RAB11FIP3: variants seen among roughly 807,000 people sequenced by gnomAD.
RAB11FIP3 encodes rab11 family-interacting protein 3.
In RAB11FIP3, 17 loss-of-function variants were observed where a neutral mutation model predicts 77.8. That is an observed-to-expected ratio of 0.22 (90% CI 0.15 to 0.33). RAB11FIP3 has a LOEUF of 0.33. Ranked by LOEUF, RAB11FIP3 falls within the 10% of genes least tolerant of loss-of-function variation. The pLI, the probability that RAB11FIP3 is intolerant of heterozygous loss-of-function variation, is 1.00. For synonymous variants in RAB11FIP3, 437 were observed against 448.2 expected (o/e 0.98, Z 0.31); for missense variants, 1,005 against 1,011.2 (o/e 0.99, Z 0.08).
In RAB11FIP3 at chr16:505,445, C is replaced by G; in HGVS notation, c.1396-79C>G. ...CTGTGCTGAGAAAATCCCCAGGCGG[C>G]CTCCCAGGTTGTTCCCTTGGGGGTG... On this transcript the variant is annotated intron_variant, in intron 7 of 13. Transcript: ENST00000262305. This position sits in a 1 kb window ranked among gnomAD's most constrained non-coding sequence, Gnocchi z 4.0. 1 of 1,119,626 alleles carries G rather than the reference C, an allele frequency of 8.9e-7. No homozygotes were observed. Among genetic ancestry groups the G allele is most frequent in the East Asian group, 2.6e-5 (1 of 38,860 alleles). The allele number at this position is 1,119,626 out of a possible 1,614,324, so 69.4% of individuals were successfully genotyped here.
At chr16:453,205 G>T (rs1290171366) in intron 1 of RAB11FIP3, among the ~76,000 whole-genome samples, 1 of 151,510 alleles carries the variant, frequency 6.6e-6, no homozygotes, top group Non-Finnish European at 1.5e-5. Context: ...CTTCTGAGTC[G>T]CTGGGACTAC....
chr16:471,492 G>T lies in RAB11FIP3; in HGVS notation c.903+103G>T. 1 of 1,060,272 alleles carries T rather than the reference G, an allele frequency of 9.4e-7. No homozygotes were observed. 65.7% of individuals were successfully genotyped at this position (1,060,272 alleles called of 1,614,324 possible). A position where few individuals can be genotyped will look rare whatever the true frequency, so the allele number is the denominator to read the frequency against. ...TGCCTCCGGGCTGTCTTCCGTAGAAGCTGGCGTGAAGGAAGGGCCTCCCGC... is the reference window on the plus strand; with the variant it reads ...TGCCTCCGGGCTGTCTTCCGTAGAATCTGGCGTGAAGGAAGGGCCTCCCGC... On this transcript the variant is annotated intron_variant, in intron 3 of 13. Coordinates refer to ENST00000262305, the MANE Select transcript of RAB11FIP3 (RefSeq NM_014700.4). The surrounding 1 kb of genome is among the most constrained non-coding windows in gnomAD (Gnocchi z 4.4).
At chr16:496,312 A>AT (rs2031123386) in intron 5 of RAB11FIP3, among the ~76,000 whole-genome samples, 1 of 152,202 alleles carries the variant, frequency 6.6e-6, no homozygotes, top group Non-Finnish European at 1.5e-5. Flanking sequence ...GCTGATGTAT[A>AT]ATTGGCTATA....
intron 1 of RAB11FIP3, among the ~76,000 whole-genome samples, chr16:456,827 C>T (rs1230423682): frequency 6.6e-6 from 1 of 152,160 alleles, no homozygotes; most frequent in East Asian, 1.9e-4. Flanking sequence ...TTGGGAACAG[C>T]AGGGAAAGCC....
At chr16:451,893 T>C (rs908775641) in intron 1 of RAB11FIP3, among the ~76,000 whole-genome samples, 2 of 151,992 alleles carry the variant, frequency 1.3e-5, no homozygotes, top group East Asian at 1.9e-4. Flanking sequence ...CTCATGCCTG[T>C]AATCCCAGCA....
intron 1 of RAB11FIP3, among the ~76,000 whole-genome samples, chr16:434,530 G>T (rs1451600785): frequency 6.6e-6 from 1 of 152,114 alleles, no homozygotes; most frequent in African/African-American, 2.4e-5. Context: ...AGGCTCAGGT[G>T]GTCCTCCCAT....
chr16:460,241 T>C (rs975472985), intron 1 of RAB11FIP3, among the ~76,000 whole-genome samples: 3 of 152,194 alleles, frequency 2.0e-5, no homozygotes, highest in Non-Finnish European at 4.4e-5. Flanking sequence ...TTAACAGATA[T>C]ATGATTTGCA....
chr16:441,992 C>T (rs1367081501), intron 1 of RAB11FIP3, among the ~76,000 whole-genome samples: 2 of 152,230 alleles, frequency 1.3e-5, no homozygotes, highest in South Asian at 2.1e-4. Flanking sequence ...GCACCCGCCA[C>T]CACGCCTGGC....
intron 3 of RAB11FIP3, 128 bp from the exon 4 acceptor site, chr16:482,397 T>G (rs1296220964): frequency 1.2e-6 from 1 of 856,342 alleles, no homozygotes; most frequent in Non-Finnish European, 2.0e-6. Context: ...TAGAGACAGT[T>G]GGGACTTCAG....
chr16:450,899 C>T (rs955833356), intron 1 of RAB11FIP3, among the ~76,000 whole-genome samples: 1 of 147,450 alleles, frequency 6.8e-6, no homozygotes, highest in Non-Finnish European at 1.5e-5. Flanking sequence ...GGGCACACAC[C>T]TGCTTCTCCA....
At chr16:495,601 C>T (rs375432209) in intron 5 of RAB11FIP3, among the ~76,000 whole-genome samples, 3 of 152,142 alleles carry the variant, frequency 2.0e-5, no homozygotes, top group African/African-American at 4.8e-5. Context: ...GTTCACTCCT[C>T]GGCTCCCTCT....
At chr16:511,058 G>A (rs1311483355) in intron 9 of RAB11FIP3, among the ~76,000 whole-genome samples, 2 of 129,410 alleles carry the variant, frequency 1.5e-5, no homozygotes, top group Non-Finnish European at 3.2e-5. Flanking sequence ...GAAGTTCCCC[G>A]ACGGCCCGCC....
intron 4 of RAB11FIP3, among the ~76,000 whole-genome samples, chr16:483,671 T>A (rs1220995974): frequency 1.3e-5 from 2 of 152,084 alleles, no homozygotes; most frequent in Non-Finnish European, 2.9e-5. Flanking sequence ...CCTTCCCAGG[T>A]CTTTTCCCTG....
At chr16:447,871 A>G (rs1006588225) in intron 1 of RAB11FIP3, among the ~76,000 whole-genome samples, 10 of 152,216 alleles carry the variant, frequency 6.6e-5, no homozygotes, top group Admixed American at 2.6e-4. Context: ...GGTGAGAACA[A>G]AGGGTTACAT....
rs2055334365 is a variant in RAB11FIP3, at chr16:447,355, C to CA, written c.715-14048dup. Among the ~76,000 whole-genome samples the CA allele has an allele frequency of 5.3e-5, 8 of 152,068 alleles. No homozygotes were observed. In the South Asian group the frequency reaches 1.7e-3, roughly 32 times the overall value. ...AGAGAGAGATGGCGTCTCGCTCTGT[C>CA]ACTCAGGCTGGAGTTCAGTGGCACA... On this transcript the variant is annotated intron_variant, in intron 1 of 13. Coordinates refer to ENST00000262305, the MANE Select transcript of RAB11FIP3 (RefSeq NM_014700.4).
At position 461,475 on chromosome 16, in the gene RAB11FIP3, G is replaced by T. The variant is rs751375208; in HGVS notation, c.786G>T (p.Gly262=). The T allele has an allele frequency of 6.2e-7, 1 of 1,613,728 alleles. No homozygotes were observed. Among genetic ancestry groups the T allele is most frequent in the Non-Finnish European group, 8.5e-7 (1 of 1,179,934 alleles). Reference sequence around the variant, plus strand: ...TCAGCTTTGAAGACTTCTACCAAGGGATCACAGCCATCAGAAACGGAGGTC... The same window carrying T: ...TCAGCTTTGAAGACTTCTACCAAGGTATCACAGCCATCAGAAACGGAGGTC... ...GVISFEDFYQ[G]ITAIRNGDPD... is the part of the protein sequence containing the mutation. The change falls in exon 2 of 14, where the codon GGG becomes GGT. Residue 262 remains glycine (G), a synonymous_variant. Transcript: ENST00000262305. The surrounding 1 kb of genome is among the most constrained non-coding windows in gnomAD (Gnocchi z 4.5).
At chr16:480,098 C>A (rs1355430798) in intron 3 of RAB11FIP3, among the ~76,000 whole-genome samples, 1 of 151,886 alleles carries the variant, frequency 6.6e-6, no homozygotes, top group Non-Finnish European at 1.5e-5. Context: ...ACTGGCCTGG[C>A]CAACGTGGTG....
In RAB11FIP3 at chr16:514,601, A is replaced by G. The variant is rs1281382875; in HGVS notation, c.1640+3801A>G. ...CTTGTTTAGGGACCGGGAAAGGAGA[A>G]TATGTGTCATCAGCAGAATGGGGCT... On this transcript the variant is annotated intron_variant, in intron 9 of 13. Coordinates refer to ENST00000262305, the MANE Select transcript of RAB11FIP3 (RefSeq NM_014700.4). The surrounding 1 kb of genome is among the most constrained non-coding windows in gnomAD (Gnocchi z 4.6). Among the ~76,000 whole-genome samples the G allele has an allele frequency of 1.3e-5, 2 of 152,160 alleles. No individual in the cohort carries two copies. Among genetic ancestry groups the G allele is most frequent in the Non-Finnish European group, 1.5e-5 (1 of 68,034 alleles).
chr16:510,750 G>A lies in RAB11FIP3; in HGVS notation c.1590G>A (p.Leu530=), dbSNP rs746002838. Reference sequence around the variant, plus strand: ...AGACCCGGCGTCAGAAGGAGCTCCTGTGCAAGATGGAGAGGGAGAAGAGCA... The same window carrying A: ...AGACCCGGCGTCAGAAGGAGCTCCTATGCAAGATGGAGAGGGAGAAGAGCA... ...LEETRRQKEL[L]CKMEREKSIE... is the part of the protein sequence containing the mutation. Residue 530 remains leucine (L), a synonymous_variant, in exon 9 of 14, where the codon CTG becomes CTA. Transcript: ENST00000262305. The A allele has an allele frequency of 5.6e-6, 9 of 1,613,432 alleles. No individual in the cohort carries two copies. In the South Asian group the frequency reaches 8.8e-5, roughly 16 times the overall value.
Sources: gnomAD v4.1 joint callset for allele counts (sites outside exome capture counted in the v4.1 genomes callset) on GRCh38, gnomAD v4.1.1 for gene constraint, Gnocchi (gnomAD v3.1) non-coding constraint, MANE v1.5 for transcripts, NCBI Gene and HGNC (gene_info 2026-07-23, HGNC 2026-07-21) for gene names.